RYR3: variants seen among roughly 807,000 people sequenced by gnomAD.
The protein encoded by RYR3 is brain ryanodine receptor-calcium release channel.
Under a neutral mutation model 584.3 loss-of-function variants are expected in RYR3, and 207 were observed. That is an observed-to-expected ratio of 0.35 (90% confidence interval 0.32 to 0.40). RYR3 has a LOEUF of 0.40. RYR3 is among the 10% of genes least tolerant of loss of function. The pLI is 1.00. For missense variants in RYR3, 5,616 were observed against 6,089.2 expected, an observed-to-expected ratio of 0.92 and a Z score of 2.59; for synonymous variants, 2,416 against 2,248.5, an observed-to-expected ratio of 1.07 and a Z score of -2.11.
chr15:33,602,580 G>A (rs1443848130), intron 17 of RYR3, among the ~76,000 whole-genome samples: 3 of 152,158 alleles, frequency 2.0e-5, no homozygotes, highest in Middle Eastern at 3.4e-3. Context: ...TAACATTTCA[G>A]CATCGTTGCC....
chr15:33,407,932 T>C (rs7166238), intron 1 of RYR3, among the ~76,000 whole-genome samples: 2,916 of 152,230 alleles, frequency 0.019, 93 homozygotes, highest in African/African-American at 0.06. Flanking sequence ...CTGATAGTGT[T>C]CCTTTGTACA....
intron 1 of RYR3, among the ~76,000 whole-genome samples, chr15:33,324,862 A>T (rs1969473564): frequency 6.6e-6 from 1 of 152,274 alleles, no homozygotes; most frequent in East Asian, 1.9e-4. Flanking sequence ...GGAATGATCC[A>T]CTGGGGATCT....
chr15:33,647,963 T>C (rs1364242260), intron 30 of RYR3, among the ~76,000 whole-genome samples: 1 of 142,626 alleles, frequency 7.0e-6, no homozygotes, highest in East Asian at 2.1e-4. Flanking sequence ...TTTCTTTCTA[T>C]CTCTCATTCT....
At chr15:33,457,763 G>T (rs1237233740) in intron 1 of RYR3, among the ~76,000 whole-genome samples, 1 of 152,178 alleles carries the variant, frequency 6.6e-6, no homozygotes, top group South Asian at 2.1e-4. Flanking sequence ...GTGTGAGGTG[G>T]TGGATACGCT....
intron 23 of RYR3, among the ~76,000 whole-genome samples, chr15:33,631,797 C>T (rs1295155538): frequency 6.6e-6 from 1 of 152,240 alleles, no homozygotes; most frequent in Non-Finnish European, 1.5e-5. Flanking sequence ...TGCTCAGCGG[C>T]ACATCCACTG....
intron 32 of RYR3, 137 bp downstream of exon 32, chr15:33,653,020 G>A: frequency 1.3e-6 from 1 of 771,054 alleles, no homozygotes; most frequent in Non-Finnish European, 2.0e-6. Flanking sequence ...GGCCACTTAG[G>A]ACAACAAATA....
At position 33,813,743 on chromosome 15, in the gene RYR3, C is replaced by T. The variant is rs546553883; in HGVS notation, c.10502+164C>T. 3.1e-5 allele frequency: 18 copies of T among 578,706 alleles called. No individual in the cohort carries two copies. The Middle Eastern group carries it at 2.3e-3, about 74-fold the overall frequency. The allele number at this position is 578,706 out of a possible 1,614,324, so 35.8% of individuals were successfully genotyped here. On this transcript the variant is annotated intron_variant, in intron 74 of 103. Transcript: ENST00000634891. ...AGTATAAGGGCCTGGCTAAGACAATCAAGGTAAGCATAAAAACTGAAACCA... is the reference window on the plus strand; with the variant it reads ...AGTATAAGGGCCTGGCTAAGACAATTAAGGTAAGCATAAAAACTGAAACCA...
At chr15:33,485,888 G>A (rs767969449) in intron 2 of RYR3, among the ~76,000 whole-genome samples, 1 of 152,132 alleles carries the variant, frequency 6.6e-6, no homozygotes, top group Admixed American at 6.5e-5. Flanking sequence ...TGGAATTTAA[G>A]TTGAATGAGG....
intron 16 of RYR3, among the ~76,000 whole-genome samples, chr15:33,595,028 A>G (rs968879045): frequency 3.3e-5 from 5 of 152,226 alleles, no homozygotes; most frequent in African/African-American, 9.6e-5. Context: ...AAGCTAAATT[A>G]TGTCATTTTT....
In RYR3 at chr15:33,322,325, C is replaced by T. The variant is rs147469032; in HGVS notation, c.51+11229C>T. On this transcript the variant is annotated intron_variant, in intron 1 of 103. Coordinates refer to ENST00000634891, the MANE Select transcript of RYR3 (RefSeq NM_001036.6). ...GGCATAGTGAAAAGCAAAGCAAGAG[C>T]GAGCATGTCACATGGCCAGAGAAGG... is the stretch of plus-strand genomic sequence containing the variant. 7.2e-3 allele frequency among the ~76,000 whole-genome samples: 1,095 copies of T among 152,212 alleles called. 18 individuals are homozygous for T. Among genetic ancestry groups the T allele is most frequent in the African/African-American group, 0.025 (1,038 of 41,516 alleles).
At chr15:33,758,462 G>T (rs984392772) in intron 60 of RYR3, among the ~76,000 whole-genome samples, 1 of 152,130 alleles carries the variant, frequency 6.6e-6, no homozygotes, top group African/African-American at 2.4e-5. Flanking sequence ...TTGGGGGAGG[G>T]GTGTCTGCCA....
intron 51 of RYR3, 117 bp downstream of exon 51, chr15:33,740,112 A>G (rs1205038434): frequency 1.2e-6 from 1 of 826,346 alleles, no homozygotes; most frequent in African/African-American, 1.7e-5. Flanking sequence ...AACACTGTTC[A>G]TCATTTCTCT....
chr15:33,696,402 C>G lies in RYR3; in HGVS notation c.6045C>G (p.Ile2015Met), dbSNP rs765617465. 10 of 1,613,852 alleles carry G rather than the reference C, an allele frequency of 6.2e-6. No individual in the cohort carries two copies. The highest frequency in any genetic ancestry group is 8.5e-6 in the Non-Finnish European group (10 of 1,179,886). Reference sequence around the variant, plus strand: ...GCCACACCTCTGTAAGCGACACCATCAACCTGCTGGCTGCCCTGGGCCAAA... The same window carrying G: ...GCCACACCTCTGTAAGCGACACCATGAACCTGCTGGCTGCCCTGGGCCAAA... ...TISHTSVSDT[I>M]NLLAALGQIR... The change falls in exon 39 of 104, where the codon ATC becomes ATG. Residue 2015 changes from isoleucine (I) to methionine (M), a missense_variant. This residue lies in a region of RYR3 where 1,280 missense variants were observed against 1,426.2 expected (regional missense o/e 0.90). Transcript: ENST00000634891.
intron 91 of RYR3, among the ~76,000 whole-genome samples, chr15:33,842,640 TG>T (rs1567299533): frequency 6.6e-6 from 1 of 152,102 alleles, no homozygotes; most frequent in African/African-American, 2.4e-5. Flanking sequence ...CTGATTTTTC[TG>T]GGGAAGATGG....
chr15:33,821,505 G>T lies in RYR3; in HGVS notation c.10916-18G>T, dbSNP rs1461238644. 1.2e-6 allele frequency: 2 copies of T among 1,613,418 alleles called. No individual in the cohort carries two copies. The highest frequency in any genetic ancestry group is 1.3e-5 in the African/African-American group (1 of 74,898). On this transcript the variant is annotated intron_variant, in intron 79 of 103. Coordinates refer to ENST00000634891, the MANE Select transcript of RYR3 (RefSeq NM_001036.6). Reference sequence around the variant, plus strand: ...CATCTGTTTCCTTGGTGATTCAATCGAATCTTCACCATGGCAGGTGAGATG... The same window carrying T: ...CATCTGTTTCCTTGGTGATTCAATCTAATCTTCACCATGGCAGGTGAGATG...
chr15:33,863,319 G>A (rs576845565), intron 102 of RYR3, among the ~76,000 whole-genome samples: 11 of 152,280 alleles, frequency 7.2e-5, no homozygotes, highest in South Asian at 6.2e-4. Flanking sequence ...AATGAGAAGC[G>A]GAAAGGCAGT....
At chr15:33,636,617 C>T (rs1173148714) in intron 27 of RYR3, 67 bp downstream of exon 27, 17 of 1,365,740 alleles carry the variant, frequency 1.2e-5, no homozygotes, top group East Asian at 1.2e-4. Flanking sequence ...GAGAGCTGAG[C>T]GACCTGCTCT....
At chr15:33,749,933 G>T (rs2071115203) in intron 55 of RYR3, 46 bp from the exon 56 acceptor site, 1 of 1,566,240 alleles carries the variant, frequency 6.4e-7, no homozygotes, top group Non-Finnish European at 8.7e-7. Flanking sequence ...AAGCCAGCTT[G>T]CCTGCTTTCT....
chr15:33,484,577 C>G (rs994043335), intron 2 of RYR3, among the ~76,000 whole-genome samples: 1 of 152,044 alleles, frequency 6.6e-6, no homozygotes, highest in Non-Finnish European at 1.5e-5. Context: ...TGTATAGATT[C>G]CTCATGTGAA....
Sources: allele counts gnomAD v4.1 joint callset (sites outside exome capture counted in the v4.1 genomes callset), GRCh38; gene constraint gnomAD v4.1.1; regional missense constraint gnomAD v4.1.1; transcripts MANE v1.5; gene names NCBI Gene and HGNC (gene_info 2026-07-23, HGNC 2026-07-21).